ZNF831: variants seen among roughly 807,000 people sequenced by gnomAD.
The protein encoded by ZNF831 is chromosome 20 open reading frame 174.
A neutral mutation model predicts 95.8 loss-of-function variants in ZNF831; 59 were observed. The observed-to-expected ratio is 0.62, with a 90% confidence interval of 0.50 to 0.77. The LOEUF is 0.77. ZNF831 is among the 30% of genes least tolerant of loss of function. The pLI, the probability that ZNF831 is intolerant of heterozygous loss-of-function variation, is 0.00. For missense variants in ZNF831, 2,205 were observed against 2,164.0 expected (o/e 1.02, Z -0.38); for synonymous variants, 961 against 925.5 (o/e 1.04, Z -0.70).
chr20:59,137,771 T>A (rs1979556034), intron 1 of ZNF831, among the ~76,000 whole-genome samples: 1 of 152,166 alleles, frequency 6.6e-6, no homozygotes. Context: ...TGCCCATGTG[T>A]TCCCTGGGGC....
Position 59,192,779 on chromosome 20 carries a change from C to T in ZNF831, c.1760C>T (p.Ala587Val), listed in dbSNP as rs2146571504. Residue 587 changes from alanine to valine, a missense_variant, in exon 2 of 6, where the codon GCA becomes GTA. Ala to Val is a moderately conservative substitution (Grantham distance 64). Transcript: ENST00000371030. This position sits in a 1 kb window ranked among gnomAD's most constrained non-coding sequence, Gnocchi z 5.2. The stretch of plus-strand genomic sequence containing the variant: ...CTGGTGCCCGCAGAGGACACAGACG[C>T]AAAGAGAACTGCTGCGCGGGAGGCC... ...DALVPAEDTDAKRTAAREAMA... is the reference protein window; with the variant it reads ...DALVPAEDTDVKRTAAREAMA... 6.2e-7 allele frequency: 1 copy of T among 1,612,624 alleles called. No homozygotes were observed. Among genetic ancestry groups the T allele is most frequent in the Non-Finnish European group, 8.5e-7 (1 of 1,179,824 alleles).
At chr20:59,130,144 T>C (rs1399859390) in intron 1 of ZNF831, among the ~76,000 whole-genome samples, 1 of 152,152 alleles carries the variant, frequency 6.6e-6, no homozygotes, top group Non-Finnish European at 1.5e-5. Context: ...AGGAAGGGCC[T>C]GGCACTTGGT....
At chr20:59,186,498 A>C (rs1037159212) in intron 1 of ZNF831, among the ~76,000 whole-genome samples, 5 of 152,222 alleles carry the variant, frequency 3.3e-5, no homozygotes, top group African/African-American at 1.2e-4. Context: ...AACTTATTTC[A>C]TCTGAACCTC....
intron 2 of ZNF831, among the ~76,000 whole-genome samples, chr20:59,150,883 G>A (rs1013501582): frequency 3.3e-5 from 5 of 152,216 alleles, no homozygotes; most frequent in East Asian, 1.9e-4. Flanking sequence ...CGGGCGGGCC[G>A]TGCCAGCTTC....
At chr20:59,147,456 G>A (rs571769504) in intron 2 of ZNF831, among the ~76,000 whole-genome samples, 71 of 152,354 alleles carry the variant, frequency 4.7e-4, no homozygotes, top group South Asian at 4.6e-3. Flanking sequence ...GGGTGTATCC[G>A]TTAATCTCCT....
intron 1 of ZNF831, among the ~76,000 whole-genome samples, chr20:59,126,712 G>A (rs369320123): frequency 3.9e-5 from 6 of 152,076 alleles, no homozygotes; most frequent in East Asian, 1.9e-4. Flanking sequence ...TCTCCTCTCC[G>A]CTTGCTGTCC....
At chr20:59,199,602 G>A (rs1984386246) in intron 3 of ZNF831, among the ~76,000 whole-genome samples, 1 of 152,126 alleles carries the variant, frequency 6.6e-6, no homozygotes, top group Non-Finnish European at 1.5e-5. Flanking sequence ...TCATCCATGA[G>A]TAAGAGTTTG....
chr20:59,127,590 C>T (rs960440582), intron 1 of ZNF831, among the ~76,000 whole-genome samples: 41 of 152,312 alleles, frequency 2.7e-4, no homozygotes, highest in Admixed American at 5.9e-4. Flanking sequence ...TTCCCTCCGA[C>T]GGGCTCACTC....
At chr20:59,211,001 CCGCAG>C (rs1985278140) in intron 4 of ZNF831, among the ~76,000 whole-genome samples, 1 of 143,272 alleles carries the variant, frequency 7.0e-6, no homozygotes, top group African/African-American at 2.7e-5. Flanking sequence ...CCACTGCAGT[CCGCAG>C]TCCGGCCTGG....
Position 59,196,008 on chromosome 20 carries a change from AGGATGAGT to A in ZNF831, c.3875+6_3875+13del. 6.2e-7 allele frequency: 1 copy of A among 1,613,538 alleles called. No homozygotes were observed. Among genetic ancestry groups the A allele is most frequent in the South Asian group, 1.1e-5 (1 of 91,000 alleles). On this transcript the variant is annotated splice_donor_5th_base_variant and intron_variant, in intron 3 of 5. Transcript: ENST00000371030. ...AAACTGAAGATCAACCCTAAAAGGT[AGGATGAGT>A]GGCCACCTCTGTCATTTCCACAAAA... is the stretch of plus-strand genomic sequence containing the variant.
chr20:59,210,661 A>T (rs1199981349), intron 4 of ZNF831, among the ~76,000 whole-genome samples: 3 of 152,146 alleles, frequency 2.0e-5, no homozygotes. Flanking sequence ...TCTTCCCTTC[A>T]GCCTCAGGGA....
chr20:59,209,521 G>A (rs2146643755), intron 4 of ZNF831, among the ~76,000 whole-genome samples: 1 of 152,344 alleles, frequency 6.6e-6, no homozygotes, highest in Admixed American at 6.5e-5. Flanking sequence ...CAGATAGAGT[G>A]TAGGTGGGCT....
intron 1 of ZNF831, among the ~76,000 whole-genome samples, chr20:59,175,034 A>C (rs2146503480): frequency 6.6e-6 from 1 of 152,238 alleles, no homozygotes; most frequent in South Asian, 2.1e-4. Context: ...CCTTTCCATC[A>C]GCTCTTGAAA....
chr20:59,232,889 T>C (rs1349313833), intron 4 of ZNF831, among the ~76,000 whole-genome samples: 7 of 152,104 alleles, frequency 4.6e-5, no homozygotes, highest in Admixed American at 2.6e-4. Flanking sequence ...GCACTACGTT[T>C]CAGATCCTAA....
At chr20:59,131,932 T>C (rs1003344224) in intron 1 of ZNF831, among the ~76,000 whole-genome samples, 1 of 152,252 alleles carries the variant, frequency 6.6e-6, no homozygotes, top group Non-Finnish European at 1.5e-5. Context: ...ATTATAAAAA[T>C]GGTACATGAT....
At chr20:59,171,199 T>G (rs1227785634) in intron 1 of ZNF831, among the ~76,000 whole-genome samples, 1 of 152,156 alleles carries the variant, frequency 6.6e-6, no homozygotes, top group African/African-American at 2.4e-5. Flanking sequence ...CCACTGGCCC[T>G]CTCGTGGGCC....
At chr20:59,136,339 T>A (rs754768521) in intron 1 of ZNF831, among the ~76,000 whole-genome samples, 12 of 152,206 alleles carry the variant, frequency 7.9e-5, no homozygotes, top group Admixed American at 3.3e-4. Flanking sequence ...ATTTTTCCTA[T>A]CTTAAAGTGA....
rs776407194 is a variant in ZNF831, at chr20:59,254,338, G to T, written c.4629G>T (p.Leu1543Phe). The T allele has an allele frequency of 8.7e-6, 14 of 1,614,106 alleles. No homozygotes were observed. The highest frequency in any genetic ancestry group is 1.2e-5 in the Non-Finnish European group (14 of 1,180,008). ...VTEEGRAQTLLPGRPSSGQRI... is the reference protein window; with the variant it reads ...VTEEGRAQTLFPGRPSSGQRI... ...AAGAGGGCAGAGCACAGACCCTCTT[G>T]CCAGGGAGACCTTCATCTGGACAAA... Residue 1543 changes from leucine (L) to phenylalanine (F), a missense_variant, in exon 6 of 6, where the codon TTG becomes TTT. Leu to Phe is a conservative substitution (Grantham distance 22). Transcript: ENST00000371030. This position sits in a 1 kb window ranked among gnomAD's most constrained non-coding sequence, Gnocchi z 4.5.
chr20:59,141,655 C>T (rs891934908), intron 1 of ZNF831, among the ~76,000 whole-genome samples: 4 of 152,140 alleles, frequency 2.6e-5, no homozygotes. Context: ...AATGTGATTC[C>T]TCCAACTTTA....
Sources: allele counts gnomAD v4.1 joint callset (sites outside exome capture counted in the v4.1 genomes callset), GRCh38; gene constraint gnomAD v4.1.1; non-coding constraint Gnocchi (gnomAD v3.1); transcripts MANE v1.5; gene names NCBI Gene and HGNC (gene_info 2026-07-23, HGNC 2026-07-21).